The following SAMD5 variants were observed in gnomAD, a reference collection of about 807,000 sequenced individuals.
SAMD5 encodes sterile alpha motif domain containing 5.
A neutral mutation model predicts 11.3 loss-of-function variants in SAMD5; 13 were observed. That is an observed-to-expected ratio of 1.15 (90% confidence interval 0.75 to 1.83). SAMD5 has a LOEUF of 1.83. Ranked by LOEUF, SAMD5 falls within the 40% of genes most tolerant of loss-of-function variation. The pLI, the probability that SAMD5 is intolerant of heterozygous loss-of-function variation, is 0.00. For synonymous variants in SAMD5, 129 were observed against 111.3 expected, an observed-to-expected ratio of 1.16 and a Z score of -1.00; for missense variants, 255 against 239.1, an observed-to-expected ratio of 1.07 and a Z score of -0.44.
At chr6:147,640,497 C>CAAAAAAAAAAAAAAAAAAAAAAAAAAAA (rs1172694444) in intron 1 of SAMD5, among the ~76,000 whole-genome samples, 1 of 24,186 alleles carries the variant, frequency 4.1e-5, no homozygotes, top group Non-Finnish European at 8.7e-5. Context: ...GACTCTGTCG[C>CAAAAAAAAAAAAAAAAAAAAAAAAAAAA]AAAAAAAAAA....
chr6:147,635,723 A>C (rs1423348054), intron 1 of SAMD5, among the ~76,000 whole-genome samples: 1 of 152,192 alleles, frequency 6.6e-6, no homozygotes, highest in East Asian at 1.9e-4. Flanking sequence ...CATGCCTTTC[A>C]TGCACTGGTG....
At chr6:147,703,015 C>T (rs1791275883) in intron 1 of SAMD5, among the ~76,000 whole-genome samples, 2 of 152,148 alleles carry the variant, frequency 1.3e-5, no homozygotes, top group African/African-American at 4.8e-5. Flanking sequence ...TGTATTTCTA[C>T]TCACCATGTG....
At chr6:147,904,754 C>T in the SAMD5 span, among the ~76,000 whole-genome samples, 489 of 152,294 alleles carry the variant, frequency 3.2e-3, 7 homozygotes, top group South Asian at 0.013. Context: ...CCACAGAGAT[C>T]CCTTTTCCCC....
chr6:147,520,876 T>C (rs1450434786), intron 1 of SAMD5, among the ~76,000 whole-genome samples: 1 of 152,170 alleles, frequency 6.6e-6, no homozygotes, highest in African/African-American at 2.4e-5. Context: ...TGAGAACATT[T>C]GAGATATAAT....
chr6:147,522,497 T>C (rs1318180533), intron 1 of SAMD5, among the ~76,000 whole-genome samples: 1 of 152,188 alleles, frequency 6.6e-6, no homozygotes, highest in East Asian at 1.9e-4. Context: ...GATGTATTAA[T>C]ATTACATTAA....
At chr6:147,847,088 A>G in the SAMD5 span, among the ~76,000 whole-genome samples, 3 of 152,190 alleles carry the variant, frequency 2.0e-5, no homozygotes, top group African/African-American at 7.2e-5. Context: ...ATGCAAGCTC[A>G]TTTACTGGAT....
chr6:147,763,228 C>T, the SAMD5 span, among the ~76,000 whole-genome samples: 1 of 151,732 alleles, frequency 6.6e-6, no homozygotes, highest in Non-Finnish European at 1.5e-5. Context: ...GACACAATCT[C>T]GGCCCACTGC....
At chr6:147,628,401 G>T (rs151126171) in intron 1 of SAMD5, among the ~76,000 whole-genome samples, 1 of 152,096 alleles carries the variant, frequency 6.6e-6, no homozygotes, top group Non-Finnish European at 1.5e-5. Flanking sequence ...TTCCAACCTA[G>T]TATAAGACAG....
chr6:147,871,783 C>G, the SAMD5 span, among the ~76,000 whole-genome samples: 1 of 152,002 alleles, frequency 6.6e-6, no homozygotes, highest in African/African-American at 2.4e-5. Flanking sequence ...GTTCAAAAAT[C>G]TGTCAGTTTT....
chr6:147,885,276 T>C, the SAMD5 span, among the ~76,000 whole-genome samples: 1 of 152,124 alleles, frequency 6.6e-6, no homozygotes, highest in Non-Finnish European at 1.5e-5. Context: ...ATGGGCAACA[T>C]AGCAATAGCA....
the SAMD5 span, among the ~76,000 whole-genome samples, chr6:147,905,724 A>G: frequency 1.3e-5 from 2 of 152,194 alleles, no homozygotes; most frequent in Non-Finnish European, 2.9e-5. Flanking sequence ...CCAGAAAATT[A>G]ATTGATTTCA....
At chr6:147,521,777 T>C (rs1788258801) in intron 1 of SAMD5, among the ~76,000 whole-genome samples, 1 of 152,136 alleles carries the variant, frequency 6.6e-6, no homozygotes, top group Non-Finnish European at 1.5e-5. Flanking sequence ...AGACCTTATC[T>C]TAAATTATTA....
Position 147,716,022 on chromosome 6 carries a change from C to A in SAMD5, c.163-21295C>A, listed in dbSNP as rs140766852. Among the ~76,000 whole-genome samples the A allele has an allele frequency of 2.6e-3, 390 of 152,280 alleles. 7 individuals carry two copies. In the South Asian group the frequency reaches 0.03, roughly 12 times the overall value. ...TGGTCCATGGGACTGGCATCCCTCC[C>A]CTTAGGCTTTCAGGCTTTCCAGGGC... On this transcript the variant is annotated intron_variant, in intron 1 of 1. Transcript: ENST00000566741.
the SAMD5 span, among the ~76,000 whole-genome samples, chr6:147,824,715 T>C: frequency 1.3e-5 from 2 of 152,200 alleles, no homozygotes; most frequent in Admixed American, 6.5e-5. Flanking sequence ...GAGAGTTCAT[T>C]TAAATCACCC....
Position 147,569,186 on chromosome 6 carries a change from G to A in SAMD5, c.*4730G>A, listed in dbSNP as rs796848136. 4 of 218,662 alleles carry A rather than the reference G, an allele frequency of 1.8e-5. No homozygotes were observed. Among genetic ancestry groups the A allele is most frequent in the African/African-American group, 4.8e-5 (2 of 41,660 alleles). 13.5% of individuals were successfully genotyped at this position (218,662 alleles called of 1,614,324 possible). On this transcript the variant is annotated 3_prime_UTR_variant, in exon 2 of 2. Coordinates refer to ENST00000367474, the MANE Select transcript of SAMD5 (RefSeq NM_001030060.3). ...CAGTGAGCTGAGATCGCGCCAGTGC[G>A]CTCCAGCCTGGGCAACAGAGTGAGA...
intron 1 of SAMD5, among the ~76,000 whole-genome samples, chr6:147,651,318 G>A (rs894485528): frequency 1.3e-5 from 2 of 152,194 alleles, no homozygotes; most frequent in African/African-American, 4.8e-5. Context: ...CCCACACATT[G>A]TAGCCACTGT....
the SAMD5 span, among the ~76,000 whole-genome samples, chr6:147,936,868 G>A: frequency 6.6e-6 from 1 of 152,138 alleles, no homozygotes; most frequent in Admixed American, 6.5e-5. Context: ...TGGGGCCTTA[G>A]GAAAGTACCT....
chr6:147,749,781 T>A, the SAMD5 span, among the ~76,000 whole-genome samples: 1 of 152,160 alleles, frequency 6.6e-6, no homozygotes, highest in Non-Finnish European at 1.5e-5. Flanking sequence ...TGAAGAAAAT[T>A]GTAACCTCCA....
chr6:147,668,935 CTT>C (rs1462536403), intron 1 of SAMD5, among the ~76,000 whole-genome samples: 1 of 152,122 alleles, frequency 6.6e-6, no homozygotes, highest in East Asian at 1.9e-4. Flanking sequence ...ATTAAAAATA[CTT>C]TTTGTCAAAA....
Sources: gnomAD v4.1 joint callset for allele counts (sites outside exome capture counted in the v4.1 genomes callset) on GRCh38, gnomAD v4.1.1 for gene constraint, MANE v1.5 for transcripts, NCBI Gene and HGNC (gene_info 2026-07-23, HGNC 2026-07-21) for gene names.